Variants in EQTN observed in about 807,000 individuals in gnomAD.
The protein encoded by EQTN is Acrosome formation associated factor.
Under a neutral mutation model 26.9 loss-of-function variants are expected in EQTN, and 29 were observed. That is an observed-to-expected ratio of 1.08 (90% CI 0.80 to 1.47). The LOEUF (loss-of-function observed/expected upper bound fraction) is 1.47, where lower values mean the gene tolerates loss of function less well. EQTN is among the 40% of genes most tolerant of loss of function. EQTN has a pLI of 0.00. For missense variants in EQTN, 391 were observed against 346.1 expected (o/e 1.13, Z -1.03); for synonymous variants, 129 against 120.0 (o/e 1.07, Z -0.49).
At chr9:27,285,239 G>A (rs983334943) in intron 7 of EQTN, among the ~76,000 whole-genome samples, 10 of 143,980 alleles carry the variant, frequency 6.9e-5, no homozygotes, top group African/African-American at 2.6e-4. Flanking sequence ...CGCCTCCCAG[G>A]GGCACGCGAT....
intron 5 of EQTN, among the ~76,000 whole-genome samples, chr9:27,290,805 T>G (rs555813610): frequency 4.6e-5 from 7 of 152,344 alleles, no homozygotes; most frequent in African/African-American, 1.7e-4. Context: ...ATTTAACATT[T>G]GTAAGAGAAT....
At chr9:27,287,868 A>C (rs994030439) in intron 6 of EQTN, among the ~76,000 whole-genome samples, 1 of 152,132 alleles carries the variant, frequency 6.6e-6, no homozygotes, top group African/African-American at 2.4e-5. Flanking sequence ...CAGTGGCACA[A>C]TCTTAGCTCA....
intron 1 of EQTN, 51 bp downstream of exon 1, chr9:27,296,929 G>T (rs1820356904): frequency 2.5e-6 from 4 of 1,595,182 alleles, no homozygotes; most frequent in Non-Finnish European, 3.4e-6. Flanking sequence ...CATGATTATG[G>T]GTCATCCTTC....
chr9:27,286,697 C>G (rs1349108971), intron 6 of EQTN, among the ~76,000 whole-genome samples: 1 of 152,174 alleles, frequency 6.6e-6, no homozygotes, highest in East Asian at 1.9e-4. Context: ...GCATATATAG[C>G]AGACTTTCTC....
rs1414919103 is a variant in EQTN, at chr9:27,296,966, A to G, written c.76+14T>C. ...TACCTACTATTTTTATAAAAGTTTT[A>G]AATGCTCTCTCACCTTCAATAGTAG... On this transcript the variant is annotated intron_variant, in intron 1 of 7. Coordinates refer to ENST00000380032, the MANE Select transcript of EQTN (RefSeq NM_020641.3). 6.2e-7 allele frequency: 1 copy of G among 1,608,516 alleles called. No individual in the cohort carries two copies. Among genetic ancestry groups the G allele is most frequent in the East Asian group, 2.2e-5 (1 of 44,808 alleles).
Position 27,286,202 on chromosome 9 carries a change from G to C in EQTN, c.635+7C>G. On this transcript the variant is annotated splice_region_variant and intron_variant, in intron 7 of 7. Transcript: ENST00000380032. ...GTTGTAAAGACTGCAGAGGTCTGCAGACTTACCTCAGATGCCTCAGTTTGT... is the reference window on the plus strand; with the variant it reads ...GTTGTAAAGACTGCAGAGGTCTGCACACTTACCTCAGATGCCTCAGTTTGT... The C allele has an allele frequency of 6.2e-7, 1 of 1,613,510 alleles. No individual in the cohort carries two copies. The highest frequency in any genetic ancestry group is 2.2e-5 in the East Asian group (1 of 44,872).
chr9:27,292,344 T>C, intron 4 of EQTN, 57 bp downstream of exon 4: 2 of 1,213,452 alleles, frequency 1.6e-6, no homozygotes, highest in Admixed American at 2.1e-5. Flanking sequence ...AAACTTAAAT[T>C]TTTAAGTCAC....
intron 6 of EQTN, among the ~76,000 whole-genome samples, chr9:27,287,169 A>G (rs889395206): frequency 6.6e-6 from 1 of 152,164 alleles, no homozygotes; most frequent in Non-Finnish European, 1.5e-5. Context: ...CCAACTCAAA[A>G]GTTCCAAGGG....
Position 27,284,707 on chromosome 9 carries a change from G to C in EQTN, c.*16C>G. ...TATTCATCAATAAGATTTCTTCACC[G>C]GGTTCCTTGATTTCTTCACCGGGTA... On this transcript the variant is annotated 3_prime_UTR_variant, in exon 8 of 8. Transcript: ENST00000380032. The C allele has an allele frequency of 3.7e-6, 6 of 1,601,552 alleles. No individual in the cohort carries two copies. Among genetic ancestry groups the C allele is most frequent in the Non-Finnish European group, 5.1e-6 (6 of 1,174,060 alleles).
intron 4 of EQTN, among the ~76,000 whole-genome samples, chr9:27,291,768 T>A (rs763669774): frequency 6.6e-6 from 1 of 152,184 alleles, no homozygotes; most frequent in African/African-American, 2.4e-5. Context: ...AATAATTACA[T>A]TAGAAACATA....
intron 7 of EQTN, 89 bp from the exon 8 acceptor site, chr9:27,285,061 T>TA (rs1820090142): frequency 8.2e-7 from 1 of 1,224,164 alleles, no homozygotes; most frequent in Non-Finnish European, 1.1e-6. Context: ...AATTAAAATA[T>TA]ACGAATTTTG....
At chr9:27,296,354 G>A (rs890037944) in intron 2 of EQTN, among the ~76,000 whole-genome samples, 4 of 152,074 alleles carry the variant, frequency 2.6e-5, no homozygotes, top group Admixed American at 6.6e-5. Context: ...TTAAAGATAA[G>A]CAGCATCTTG....
intron 3 of EQTN, 72 bp downstream of exon 3, chr9:27,294,244 A>G (rs907434843): frequency 7.0e-6 from 7 of 996,964 alleles, no homozygotes; most frequent in Admixed American, 4.0e-5. Flanking sequence ...TCTCCCCAAC[A>G]GTCTCTTATT....
At chr9:27,291,930 G>A (rs1820243197) in intron 4 of EQTN, among the ~76,000 whole-genome samples, 1 of 152,050 alleles carries the variant, frequency 6.6e-6, no homozygotes, top group Non-Finnish European at 1.5e-5. Flanking sequence ...CAATATTCTT[G>A]ACAGGGAAGT....
In EQTN at chr9:27,294,375, C is replaced by T. The variant is rs781564714; in HGVS notation, c.230G>A (p.Gly77Asp). 6.2e-7 allele frequency: 1 copy of T among 1,609,574 alleles called. No homozygotes were observed. The highest frequency in any genetic ancestry group is 1.7e-5 in the Admixed American group (1 of 59,910). Residue 77 changes from glycine (G) to aspartate (D), a missense_variant, in exon 3 of 8, where the codon GGC becomes GAC. By Grantham distance (94) the Gly-to-Asp change is moderately conservative (BLOSUM62 -1). Transcript: ENST00000380032. ...TCTCACAGATATTTCAGACTCAGTG[C>T]CATTTGGATTTTGTGTTGTGAACAC... ...QYVFTTQNPN[G>D]TESEISVRAT...
At chr9:27,288,804 C>T (rs1470437374) in intron 6 of EQTN, among the ~76,000 whole-genome samples, 23 of 152,058 alleles carry the variant, frequency 1.5e-4, no homozygotes. Context: ...CTAGAAAAGG[C>T]AAAACTATAG....
chr9:27,296,254 G>A (rs1283159146), intron 2 of EQTN, among the ~76,000 whole-genome samples: 2 of 152,186 alleles, frequency 1.3e-5, no homozygotes, highest in East Asian at 3.9e-4. Context: ...GCTGCAGTGA[G>A]CCATGGTCGT....
At chr9:27,293,840 T>A (rs1433671442) in intron 3 of EQTN, among the ~76,000 whole-genome samples, 5 of 152,198 alleles carry the variant, frequency 3.3e-5, no homozygotes, top group African/African-American at 1.2e-4. Context: ...TCAAGTAGCT[T>A]TGTTAATAAT....
At chr9:27,290,371 G>A (rs1189436335) in intron 5 of EQTN, among the ~76,000 whole-genome samples, 1 of 152,218 alleles carries the variant, frequency 6.6e-6, no homozygotes, top group African/African-American at 2.4e-5. Flanking sequence ...CTCTGCCAAT[G>A]TCCATAAATG....
Sources: gnomAD v4.1 joint callset for allele counts (sites outside exome capture counted in the v4.1 genomes callset) on GRCh38, gnomAD v4.1.1 for gene constraint, MANE v1.5 for transcripts, NCBI Gene and HGNC (gene_info 2026-07-23, HGNC 2026-07-21) for gene names.